The following AACS variants were observed in gnomAD, a reference collection of about 807,000 sequenced individuals.
AACS encodes the protein acetoacetate-CoA ligase.
In AACS, 69 loss-of-function variants were observed where a neutral mutation model predicts 83.1. That is an observed-to-expected ratio of 0.83 (90% CI 0.68 to 1.01). The LOEUF (loss-of-function observed/expected upper bound fraction) is 1.01, where lower values mean the gene tolerates loss of function less well. Ranked by LOEUF, AACS falls within the 50% of genes least tolerant of loss-of-function variation. The probability of loss-of-function intolerance (pLI) is 0.00; values close to 1 mark genes in which losing one functional copy is unlikely to be tolerated. For missense variants in AACS, 866 were observed against 882.2 expected (o/e 0.98, Z 0.23); for synonymous variants, 333 against 343.4 (o/e 0.97, Z 0.33).
intron 4 of AACS, 47 bp downstream of exon 4, chr12:125,086,490 T>C (rs1199450203): frequency 1.3e-6 from 2 of 1,553,166 alleles, no homozygotes; most frequent in Non-Finnish European, 1.8e-6. Context: ...GAGACCAAGG[T>C]AGAATGGGTG....
intron 7 of AACS, chr12:125,105,543 C>A (rs1465019275): frequency 6.6e-6 from 1 of 152,232 alleles, no homozygotes; most frequent in Non-Finnish European, 1.5e-5. Flanking sequence ...TTACCAGCCC[C>A]CTGGTTGGCC....
At chr12:125,070,184 G>T (rs776778044) in intron 1 of AACS, among the ~76,000 whole-genome samples, 1 of 152,188 alleles carries the variant, frequency 6.6e-6, no homozygotes, top group Non-Finnish European at 1.5e-5. Flanking sequence ...TTTTACAAGC[G>T]GTTGCGGTTC....
At chr12:125,098,658 G>C (rs1956661650) in intron 5 of AACS, among the ~76,000 whole-genome samples, 5 of 152,106 alleles carry the variant, frequency 3.3e-5, no homozygotes, top group Admixed American at 3.3e-4. Flanking sequence ...CACCATGTTG[G>C]CCAGGCTGGT....
intron 14 of AACS, among the ~76,000 whole-genome samples, chr12:125,132,044 C>A (rs1957336436): frequency 1.3e-5 from 2 of 152,216 alleles, no homozygotes; most frequent in Non-Finnish European, 2.9e-5. Context: ...TTCGCCTCAG[C>A]TCCCAGGAGA....
intron 8 of AACS, among the ~76,000 whole-genome samples, chr12:125,108,488 C>G (rs905832182): frequency 6.6e-5 from 10 of 152,142 alleles, no homozygotes; most frequent in African/African-American, 2.4e-4. Context: ...TTCTGAGATA[C>G]TAGGTATTGG....
In AACS at chr12:125,130,354, T is replaced by C. The variant is rs1423985911; in HGVS notation, c.1549+894T>C. Among the ~76,000 whole-genome samples the C allele has an allele frequency of 2.6e-5, 4 of 152,272 alleles. No homozygotes were observed. The highest frequency in any genetic ancestry group is 5.9e-5 in the Non-Finnish European group (4 of 68,040). Reference sequence around the variant, plus strand: ...GCCTCCACTGCATACCTGCTGCACCTATGCCCCACCTTGGCTCCTGCCGTG... The same window carrying C: ...GCCTCCACTGCATACCTGCTGCACCCATGCCCCACCTTGGCTCCTGCCGTG... On this transcript the variant is annotated intron_variant, in intron 14 of 17. Transcript: ENST00000316519. The surrounding 1 kb of genome is among the most constrained non-coding windows in gnomAD (Gnocchi z 4.9).
chr12:125,097,830 C>T lies in AACS; in HGVS notation c.571-4849C>T, dbSNP rs935479365. 2.6e-5 allele frequency among the ~76,000 whole-genome samples: 4 copies of T among 152,120 alleles called. No homozygotes were observed. Among genetic ancestry groups the T allele is most frequent in the East Asian group, 3.9e-4 (2 of 5,188 alleles). Reference sequence around the variant, plus strand: ...TGCCAAACCAGGAGCTCGGGCTGTGCGCCACACCCTTTCACTCCCTTCCCT... The same window carrying T: ...TGCCAAACCAGGAGCTCGGGCTGTGTGCCACACCCTTTCACTCCCTTCCCT... On this transcript the variant is annotated intron_variant, in intron 5 of 17. Transcript: ENST00000316519. The surrounding 1 kb of genome is among the most constrained non-coding windows in gnomAD (Gnocchi z 4.3).
At chr12:125,081,589 C>T (rs539990528) in intron 3 of AACS, among the ~76,000 whole-genome samples, 9 of 152,292 alleles carry the variant, frequency 5.9e-5, no homozygotes, top group Non-Finnish European at 1.2e-4. Context: ...CGAGGCCATG[C>T]GATGCCCTGC....
chr12:125,132,420 G>A (rs977797116), intron 14 of AACS, among the ~76,000 whole-genome samples: 4 of 152,168 alleles, frequency 2.6e-5, no homozygotes, highest in African/African-American at 9.7e-5. Context: ...GTTGTTGCTG[G>A]CACCGAAGTG....
intron 4 of AACS, among the ~76,000 whole-genome samples, chr12:125,088,140 TAG>T (rs1956381826): frequency 6.6e-6 from 1 of 152,100 alleles, no homozygotes. Flanking sequence ...TGTATCTTCA[TAG>T]AGAGTGCCTG....
chr12:125,077,475 A>C (rs1272542536), intron 3 of AACS, among the ~76,000 whole-genome samples: 5 of 149,166 alleles, frequency 3.4e-5, no homozygotes, highest in Non-Finnish European at 7.4e-5. Flanking sequence ...GCGCCACTGC[A>C]CTCCAGGCTG....
intron 3 of AACS, among the ~76,000 whole-genome samples, chr12:125,077,281 T>C (rs1035144406): frequency 6.6e-6 from 1 of 151,850 alleles, no homozygotes; most frequent in Non-Finnish European, 1.5e-5. Context: ...GAGGCCAAGG[T>C]GGGCGGATCA....
chr12:125,103,381 G>A (rs1956757927), intron 7 of AACS, among the ~76,000 whole-genome samples: 1 of 152,240 alleles, frequency 6.6e-6, no homozygotes, highest in Admixed American at 6.5e-5. Flanking sequence ...ATTGGCCACA[G>A]AAATTTTGCA....
chr12:125,126,055 T>C (rs747402558), intron 12 of AACS: 1 of 151,986 alleles, frequency 6.6e-6, no homozygotes, highest in African/African-American at 2.4e-5. Flanking sequence ...CCTTCTGGGT[T>C]CAAGCAGTTC....
chr12:125,068,334 C>T (rs1327857211), intron 1 of AACS, among the ~76,000 whole-genome samples: 1 of 152,154 alleles, frequency 6.6e-6, no homozygotes, highest in Non-Finnish European at 1.5e-5. Context: ...TGGCATGCGC[C>T]TGTAGTCCCA....
intron 4 of AACS, among the ~76,000 whole-genome samples, chr12:125,090,126 T>G: frequency 1.0e-3 from 1 of 960 alleles, no homozygotes; most frequent in Non-Finnish European, 2.5e-3. Context: ...CCATCTTCCA[T>G]TTATCATCCA....
At chr12:125,085,076 TG>T (rs915447027) in intron 3 of AACS, among the ~76,000 whole-genome samples, 1 of 141,988 alleles carries the variant, frequency 7.0e-6, no homozygotes, top group Non-Finnish European at 1.5e-5. Context: ...TTGCCCGGGG[TG>T]GGGGTGGTGT....
At chr12:125,109,187 A>G (rs1592982142) in intron 8 of AACS, among the ~76,000 whole-genome samples, 1 of 152,158 alleles carries the variant, frequency 6.6e-6, no homozygotes. Flanking sequence ...GCTGGAGTGC[A>G]GTGGCGTGAT....
intron 3 of AACS, among the ~76,000 whole-genome samples, chr12:125,083,488 G>GAAAA (rs1956252974): frequency 6.6e-6 from 1 of 152,102 alleles, no homozygotes; most frequent in Non-Finnish European, 1.5e-5. Context: ...TCTGTTAGGC[G>GAAAA]AAAATTGGTA....
Sources: allele counts gnomAD v4.1 joint callset (sites outside exome capture counted in the v4.1 genomes callset), GRCh38; gene constraint gnomAD v4.1.1; non-coding constraint Gnocchi (gnomAD v3.1); transcripts MANE v1.5; gene names NCBI Gene and HGNC (gene_info 2026-07-23, HGNC 2026-07-21).